The following CAPSL variants were observed in gnomAD, a reference collection of about 807,000 sequenced individuals.
CAPSL encodes the protein calcyphosin-like protein.
In CAPSL, 17 loss-of-function variants were observed where a neutral mutation model predicts 21.3. The observed-to-expected ratio is 0.80, with a 90% CI of 0.55 to 1.20. CAPSL has a LOEUF of 1.20. Ranked by LOEUF, CAPSL falls within the 50% of genes most tolerant of loss-of-function variation. The pLI, the probability that CAPSL is intolerant of heterozygous loss-of-function variation, is 0.00. For missense variants in CAPSL, 289 were observed against 259.3 expected, an observed-to-expected ratio of 1.11 and a Z score of -0.79; for synonymous variants, 102 against 89.3, an observed-to-expected ratio of 1.14 and a Z score of -0.80.
chr5:35,918,389 G>T (rs1028953129), intron 2 of CAPSL, among the ~76,000 whole-genome samples: 1 of 152,140 alleles, frequency 6.6e-6, no homozygotes, highest in Non-Finnish European at 1.5e-5. Context: ...GATCTCACTC[G>T]TAAGTGGGAG....
rs146760505 is a variant in CAPSL, at chr5:35,915,427, A to C, written c.138-4884T>G. On this transcript the variant is annotated intron_variant, in intron 2 of 4. Coordinates refer to ENST00000651391, the MANE Select transcript of CAPSL (RefSeq NM_001042625.2). ...AACCAAAAAAGAGAATTTTAGACCA[A>C]TATCCCTGGTGAACATCAATGCAAA... Among the ~76,000 whole-genome samples the C allele has an allele frequency of 8.6e-3, 1,311 of 152,310 alleles. 22 individuals carry two copies. The highest frequency in any genetic ancestry group is 0.03 in the African/African-American group (1,260 of 41,558).
chr5:35,906,908 T>C (rs1372574066), intron 4 of CAPSL, among the ~76,000 whole-genome samples: 1 of 152,206 alleles, frequency 6.6e-6, no homozygotes, highest in Admixed American at 6.5e-5. Flanking sequence ...GCTAATGTAT[T>C]TGATCATTTC....
At position 35,907,520 on chromosome 5, in the gene CAPSL, AG is replaced by A. The variant is rs916932886; in HGVS notation, c.525+2345del. On this transcript the variant is annotated intron_variant, in intron 4 of 4. Coordinates refer to ENST00000651391, the MANE Select transcript of CAPSL (RefSeq NM_001042625.2). Reference sequence around the variant, plus strand: ...TTAGTGATAGAAAAGGGGTAAGGAAAGTCTGTGTCACAGGTTATCTGATTGC... The same window carrying A: ...TTAGTGATAGAAAAGGGGTAAGGAAATCTGTGTCACAGGTTATCTGATTGC... Among the ~76,000 whole-genome samples, 73 of 152,304 alleles carry A rather than the reference AG, an allele frequency of 4.8e-4. 1 individual carries two copies. Among genetic ancestry groups the A allele is most frequent in the Middle Eastern group, 3.4e-3 (1 of 294 alleles).
chr5:35,921,489 A>G (rs1040605136), intron 1 of CAPSL, among the ~76,000 whole-genome samples: 1 of 152,062 alleles, frequency 6.6e-6, no homozygotes, highest in African/African-American at 2.4e-5. Flanking sequence ...TATTCCCTTG[A>G]CCCTCACATT....
chr5:35,938,504 A>G (rs1739012618), intron 1 of CAPSL, 37 bp downstream of exon 1: 1 of 152,376 alleles, frequency 6.6e-6, no homozygotes, highest in South Asian at 2.1e-4. Flanking sequence ...AAAAAAAAAA[A>G]CATTAAATCA....
intron 4 of CAPSL, among the ~76,000 whole-genome samples, chr5:35,906,910 G>C (rs528719803): frequency 5.3e-5 from 8 of 152,178 alleles, no homozygotes; most frequent in Non-Finnish European, 1.2e-4. Context: ...TAATGTATTT[G>C]ATCATTTCAG....
chr5:35,909,818 C>A (rs1323596940), intron 4 of CAPSL, 48 bp downstream of exon 4: 2 of 1,481,500 alleles, frequency 1.3e-6, no homozygotes, highest in Non-Finnish European at 1.8e-6. Context: ...TTCCCATTTA[C>A]AATTTCGAAT....
At chr5:35,911,294 A>G (rs1377250140) in intron 2 of CAPSL, among the ~76,000 whole-genome samples, 1 of 152,220 alleles carries the variant, frequency 6.6e-6, no homozygotes, top group Non-Finnish European at 1.5e-5. Flanking sequence ...TGGAAAAGGG[A>G]AAAGGGAAGC....
chr5:35,921,514 T>C (rs1339789647), intron 1 of CAPSL, among the ~76,000 whole-genome samples: 1 of 152,190 alleles, frequency 6.6e-6, no homozygotes, highest in Non-Finnish European at 1.5e-5. Flanking sequence ...GTTCTCCTCT[T>C]TGGTCTAAAC....
chr5:35,913,108 G>A (rs903917434), intron 2 of CAPSL, among the ~76,000 whole-genome samples: 2 of 152,226 alleles, frequency 1.3e-5, no homozygotes, highest in Non-Finnish European at 2.9e-5. Context: ...AAGGGTATCA[G>A]TGATGGAAGA....
Position 35,910,469 on chromosome 5 carries a change from T to G in CAPSL, c.212A>C (p.Tyr71Ser). 1 of 1,613,324 alleles carries G rather than the reference T, an allele frequency of 6.2e-7. No individual in the cohort carries two copies. Among genetic ancestry groups the G allele is most frequent in the African/African-American group, 1.3e-5 (1 of 75,046 alleles). The stretch of plus-strand genomic sequence containing the variant: ...CTCTTCTTTTTCCATGACCACAGCA[T>G]AATCATTTAACCCTTTCATAAATTC... ...FKEFMKGLNDYAVVMEKEEVE... is the reference protein window; with the variant it reads ...FKEFMKGLNDSAVVMEKEEVE... Residue 71 changes from tyrosine to serine, a missense_variant, in exon 3 of 5, where the codon TAT becomes TCT. Transcript: ENST00000651391.
intron 2 of CAPSL, among the ~76,000 whole-genome samples, chr5:35,916,560 C>A (rs551388958): frequency 6.6e-6 from 1 of 152,064 alleles, no homozygotes; most frequent in Non-Finnish European, 1.5e-5. Flanking sequence ...AATAATGCCA[C>A]ATATCTACAA....
chr5:35,924,902 C>T (rs1738632675), intron 1 of CAPSL, among the ~76,000 whole-genome samples: 2 of 152,206 alleles, frequency 1.3e-5, no homozygotes, highest in Non-Finnish European at 2.9e-5. Flanking sequence ...TCAATAAAGG[C>T]GCCAGGCACC....
intron 1 of CAPSL, among the ~76,000 whole-genome samples, chr5:35,925,217 A>G (rs1477406842): frequency 6.6e-6 from 1 of 152,226 alleles, no homozygotes; most frequent in Non-Finnish European, 1.5e-5. Flanking sequence ...CAGGACCAAG[A>G]CAACGCTTAC....
At chr5:35,930,511 G>A (rs1738793469) in intron 1 of CAPSL, among the ~76,000 whole-genome samples, 1 of 152,226 alleles carries the variant, frequency 6.6e-6, no homozygotes, top group African/African-American at 2.4e-5. Flanking sequence ...GAGGCACACA[G>A]TCTCAGAATC....
At chr5:35,921,142 T>C (rs781458664) in intron 1 of CAPSL, 22 bp from the exon 2 acceptor site, 29 of 1,612,676 alleles carry the variant, frequency 1.8e-5, no homozygotes, top group Non-Finnish European at 2.4e-5. Flanking sequence ...CCATAGCATG[T>C]TAGCAAAGTC....
At chr5:35,928,896 A>G (rs761074891) in intron 1 of CAPSL, among the ~76,000 whole-genome samples, 4 of 152,194 alleles carry the variant, frequency 2.6e-5, no homozygotes, top group Admixed American at 1.3e-4. Context: ...CACCAAGCAC[A>G]GTAAATTAGA....
chr5:35,907,419 A>G (rs901403800), intron 4 of CAPSL, among the ~76,000 whole-genome samples: 4 of 152,238 alleles, frequency 2.6e-5, no homozygotes, highest in African/African-American at 7.2e-5. Context: ...TGATAAAGTC[A>G]TATATACACA....
At chr5:35,928,107 A>T (rs1365194599) in intron 1 of CAPSL, among the ~76,000 whole-genome samples, 3 of 152,194 alleles carry the variant, frequency 2.0e-5, no homozygotes, top group Non-Finnish European at 4.4e-5. Flanking sequence ...TGAACTATGG[A>T]TCCTCCAGAG....
Sources: allele counts gnomAD v4.1 joint callset (sites outside exome capture counted in the v4.1 genomes callset), GRCh38; gene constraint gnomAD v4.1.1; transcripts MANE v1.5; gene names NCBI Gene and HGNC (gene_info 2026-07-23, HGNC 2026-07-21).